Variants in PDILT observed in about 807,000 individuals in gnomAD.
PDILT encodes protein disulfide-isomerase-like protein of the testis.
PDILT carries 43 observed loss-of-function variants against 53.7 expected under a neutral mutation model. The ratio of observed to expected loss-of-function variants is 0.80; its 90% CI spans 0.63 to 1.03. PDILT has a LOEUF of 1.03. Ranked by LOEUF, PDILT falls within the 50% of genes least tolerant of loss-of-function variation. The probability of loss-of-function intolerance (pLI) is 0.00; values close to 1 mark genes in which losing one functional copy is unlikely to be tolerated. For missense variants in PDILT, 727 were observed against 712.3 expected, an observed-to-expected ratio of 1.02 and a Z score of -0.24; for synonymous variants, 282 against 274.2, an observed-to-expected ratio of 1.03 and a Z score of -0.28.
intron 2 of PDILT, among the ~76,000 whole-genome samples, chr16:20,393,640 CA>C (rs1286382536): frequency 6.6e-6 from 1 of 152,192 alleles, no homozygotes; most frequent in Non-Finnish European, 1.5e-5. Context: ...TGGCACCACT[CA>C]CAGAGTATAC....
intron 2 of PDILT, chr16:20,388,729 A>G (rs1460529704): frequency 6.6e-6 from 1 of 152,236 alleles, no homozygotes; most frequent in Non-Finnish European, 1.5e-5. Flanking sequence ...CCTGACCAAC[A>G]TGGAGAAACC....
intron 2 of PDILT, among the ~76,000 whole-genome samples, chr16:20,394,313 G>GCTGCCTCTCAGC (rs1966637861): frequency 6.6e-6 from 1 of 152,176 alleles, no homozygotes; most frequent in African/African-American, 2.4e-5. Flanking sequence ...ATTCCACCAG[G>GCTGCCTCTCAGC]CTGCCTCTCA....
intron 9 of PDILT, among the ~76,000 whole-genome samples, chr16:20,364,903 T>C (rs1269881698): frequency 1.3e-5 from 2 of 152,124 alleles, no homozygotes; most frequent in Non-Finnish European, 2.9e-5. Context: ...AGCAAAGAAA[T>C]CCTGTACAGC....
Position 20,367,086 on chromosome 16 carries a change from TCTTTCTTTCTTTCTTTCTTC to T in PDILT, c.1117-1566_1117-1547del, listed in dbSNP as rs1404886749. On this transcript the variant is annotated intron_variant, in intron 8 of 11. Transcript: ENST00000302451. ...TTCTTTCTTTCTTTCTTTCTTTCTT[TCTTTCTTTCTTTCTTTCTTC>T]CTTTCTTTCCTTTTGAGACAGAGTC... 8.3e-4 allele frequency among the ~76,000 whole-genome samples: 85 copies of T among 102,620 alleles called. 1 individual carries two copies. The highest frequency in any genetic ancestry group is 3.2e-3 in the African/African-American group (78 of 24,426). 67.3% of individuals were successfully genotyped at this position (102,620 alleles called of 152,430 possible).
At chr16:20,365,371 A>G in intron 9 of PDILT, 49 bp downstream of exon 9, 1 of 1,600,740 alleles carries the variant, frequency 6.2e-7, no homozygotes, top group South Asian at 1.1e-5. Flanking sequence ...AACACTTGAA[A>G]CATAATTTTG....
intron 2 of PDILT, among the ~76,000 whole-genome samples, chr16:20,393,638 C>A (rs896657895): frequency 6.6e-6 from 1 of 152,186 alleles, no homozygotes; most frequent in African/African-American, 2.4e-5. Flanking sequence ...AGTGGCACCA[C>A]TCACAGAGTA....
rs115691909 is a variant in PDILT, at chr16:20,386,976, G to A, written c.203-2125C>T. 8.1e-3 allele frequency among the ~76,000 whole-genome samples: 1,230 copies of A among 152,332 alleles called. 18 individuals carry two copies. Among genetic ancestry groups the A allele is most frequent in the African/African-American group, 0.028 (1,147 of 41,576 alleles). On this transcript the variant is annotated intron_variant, in intron 2 of 11. Transcript: ENST00000302451. The stretch of plus-strand genomic sequence containing the variant: ...GGGTGTCTGAAATGGAAGTGACAGA[G>A]AGAGCTTGTGGCAACCGGAGTGCTG...
Position 20,396,443 on chromosome 16 carries a change from G to T in PDILT, c.202+2656C>A, listed in dbSNP as rs867962119. ...GATATCAACAACCATAAATTTCAAC[G>T]ACTTCTACTAACTCTTTGGCTTTGA... On this transcript the variant is annotated intron_variant, in intron 2 of 11. Coordinates refer to ENST00000302451, the MANE Select transcript of PDILT (RefSeq NM_174924.2). 9.8e-5 allele frequency among the ~76,000 whole-genome samples: 15 copies of T among 152,290 alleles called. 1 individual carries two copies. In the South Asian group the frequency reaches 1.9e-3, roughly 19 times the overall value.
In PDILT at chr16:20,370,383, G is replaced by A. The variant is rs371833340; in HGVS notation, c.919-694C>T. Among the ~76,000 whole-genome samples the A allele has an allele frequency of 5.3e-5, 8 of 152,210 alleles. No individual in the cohort carries two copies. In the East Asian group the frequency reaches 9.6e-4, roughly 18 times the overall value. ...CAATGTGATAGAGAGTAACTGCCCCGATGGGGTAAGGTAGGGGCTCAGGAT... is the reference window on the plus strand; with the variant it reads ...CAATGTGATAGAGAGTAACTGCCCCAATGGGGTAAGGTAGGGGCTCAGGAT... On this transcript the variant is annotated intron_variant, in intron 7 of 11. Coordinates refer to ENST00000302451, the MANE Select transcript of PDILT (RefSeq NM_174924.2).
At chr16:20,378,898 T>C (rs1966423111) in intron 3 of PDILT, among the ~76,000 whole-genome samples, 1 of 152,236 alleles carries the variant, frequency 6.6e-6, no homozygotes, top group South Asian at 2.1e-4. Flanking sequence ...TTTCATTATG[T>C]TTGTGAGATT....
intron 2 of PDILT, 49 bp downstream of exon 2, chr16:20,399,050 G>C: frequency 6.2e-7 from 1 of 1,600,420 alleles, no homozygotes; most frequent in South Asian, 1.1e-5. Flanking sequence ...ACACAAGGAG[G>C]CAGGCCTCAT....
intron 1 of PDILT, among the ~76,000 whole-genome samples, chr16:20,402,446 G>A (rs1030203027): frequency 3.3e-5 from 5 of 152,158 alleles, no homozygotes; most frequent in Non-Finnish European, 5.9e-5. Flanking sequence ...TTATAGGCGC[G>A]TGCCATCATG....
rs780606367 is a variant in PDILT at position 20,399,151 on chromosome 16, G to A, written c.150C>T (p.Pro50=). 51 of 1,614,154 alleles carry A rather than the reference G, an allele frequency of 3.2e-5. No individual in the cohort carries two copies. The highest frequency in any genetic ancestry group is 1.6e-4 in the Middle Eastern group (1 of 6,062). Residue 50 remains proline (P), a synonymous_variant, in exon 2 of 12, where the codon CCC becomes CCT. Transcript: ENST00000302451. ...GGTTCAGCATCTGGGTCAGGCCAGC[G>A]GGCGTTAGCACTAGGAGACTGCGTT... ...LEERSLLVLT[P]AGLTQMLNQT...
At chr16:20,368,086 C>A (rs577061588) in intron 8 of PDILT, among the ~76,000 whole-genome samples, 1 of 152,214 alleles carries the variant, frequency 6.6e-6, no homozygotes, top group African/African-American at 2.4e-5. Context: ...GGAATCGTAG[C>A]CATGTGTGTC....
chr16:20,359,508 C>T lies in PDILT; in HGVS notation c.1566G>A (p.Glu522=), dbSNP rs1966066850. ...IEEEVLAEEK[E]VPMMRKGLPE... ...GTAACCCTTTCCTCATCATAGGCAC[C>T]TCCTTTTCCTCAGCTAGCACTTCCT... Residue 522 remains glutamate, a synonymous_variant, in exon 12 of 12, where the codon GAG becomes GAA. Coordinates refer to ENST00000302451, the MANE Select transcript of PDILT (RefSeq NM_174924.2). 1 of 1,614,136 alleles carries T rather than the reference C, an allele frequency of 6.2e-7. No individual in the cohort carries two copies. Among genetic ancestry groups the T allele is most frequent in the Non-Finnish European group, 8.5e-7 (1 of 1,179,992 alleles).
At chr16:20,371,538 G>A (rs1193906387) in intron 7 of PDILT, among the ~76,000 whole-genome samples, 4 of 152,166 alleles carry the variant, frequency 2.6e-5, no homozygotes, top group South Asian at 2.1e-4. Context: ...GAGCACAGAG[G>A]TGAACAAGAT....
intron 5 of PDILT, among the ~76,000 whole-genome samples, chr16:20,374,594 T>C (rs946694157): frequency 8.5e-5 from 13 of 152,088 alleles, no homozygotes; most frequent in Non-Finnish European, 1.3e-4. Flanking sequence ...GGGCATAGGA[T>C]TGAGCCTTGA....
intron 2 of PDILT, among the ~76,000 whole-genome samples, chr16:20,393,384 G>A (rs979367064): frequency 6.6e-6 from 1 of 152,220 alleles, no homozygotes; most frequent in African/African-American, 2.4e-5. Flanking sequence ...AACAGCCTGA[G>A]TTAGAGGGAG....
chr16:20,366,283 C>G (rs1966190692), intron 8 of PDILT, among the ~76,000 whole-genome samples: 1 of 152,078 alleles, frequency 6.6e-6, no homozygotes, highest in Non-Finnish European at 1.5e-5. Flanking sequence ...CCAGCTCAGG[C>G]CTTTGTTAAT....
Sources: gnomAD v4.1 joint callset for allele counts (sites outside exome capture counted in the v4.1 genomes callset) on GRCh38, gnomAD v4.1.1 for gene constraint, MANE v1.5 for transcripts, NCBI Gene and HGNC (gene_info 2026-07-23, HGNC 2026-07-21) for gene names.